TRAPPC9: variants seen among roughly 807,000 people sequenced by gnomAD.
TRAPPC9 encodes trafficking protein particle complex subunit 9, also known as IKK2 binding protein.
Under a neutral mutation model 124.0 loss-of-function variants are expected in TRAPPC9, and 83 were observed. The ratio of observed to expected loss-of-function variants is 0.67; its 90% confidence interval spans 0.56 to 0.80. TRAPPC9 has a LOEUF of 0.80. Among genes scored for constraint, TRAPPC9 ranks in the 30% least tolerant of loss-of-function variants. TRAPPC9 has a pLI of 0.00. For missense variants in TRAPPC9, 1,302 were observed against 1,508.3 expected (o/e 0.86, Z 2.27); for synonymous variants, 638 against 617.5 (o/e 1.03, Z -0.49).
intron 17 of TRAPPC9, among the ~76,000 whole-genome samples, chr8:140,091,838 A>T (rs893771003): frequency 1.3e-5 from 2 of 152,042 alleles, no homozygotes; most frequent in African/African-American, 4.8e-5. Context: ...TCTCCTCTCA[A>T]CTGTCGGTGA....
At chr8:140,217,883 G>A (rs1230290061) in intron 17 of TRAPPC9, among the ~76,000 whole-genome samples, 1 of 152,094 alleles carries the variant, frequency 6.6e-6, no homozygotes, top group Non-Finnish European at 1.5e-5. Flanking sequence ...TGGGCATGGT[G>A]GTGCACGCCT....
intron 21 of TRAPPC9, among the ~76,000 whole-genome samples, chr8:139,741,307 G>A (rs1818546929): frequency 1.3e-5 from 2 of 152,194 alleles, no homozygotes; most frequent in South Asian, 4.1e-4. Flanking sequence ...TCAGCGCTCT[G>A]TAGGTATCCC....
intron 19 of TRAPPC9, among the ~76,000 whole-genome samples, chr8:139,986,826 T>C (rs979517872): frequency 6.6e-6 from 1 of 152,214 alleles, no homozygotes; most frequent in African/African-American, 2.4e-5. Flanking sequence ...AACATGACCA[T>C]CACCTAGAAA....
At chr8:140,113,754 A>T (rs2060826109) in intron 17 of TRAPPC9, among the ~76,000 whole-genome samples, 1 of 152,120 alleles carries the variant, frequency 6.6e-6, no homozygotes, top group Non-Finnish European at 1.5e-5. Context: ...CCGCAAGCCC[A>T]TGTGAGTAGA....
chr8:139,953,046 C>T (rs1232664454), intron 19 of TRAPPC9, among the ~76,000 whole-genome samples: 1 of 152,192 alleles, frequency 6.6e-6, no homozygotes, highest in African/African-American at 2.4e-5. Context: ...AAGAGGATGG[C>T]TGTTTCCAGT....
At chr8:140,170,847 T>TA (rs1463246326) in intron 17 of TRAPPC9, among the ~76,000 whole-genome samples, 2 of 152,176 alleles carry the variant, frequency 1.3e-5, no homozygotes, top group Non-Finnish European at 2.9e-5. Flanking sequence ...GCCTCACAGG[T>TA]AGATCTCAGA....
rs2060473854 is a variant in TRAPPC9, at chr8:140,097,474, G to T, written c.2557-73395C>A. 6.6e-6 allele frequency: 1 copy of T among 152,300 alleles called. No individual in the cohort carries two copies. Among genetic ancestry groups the T allele is most frequent in the Non-Finnish European group, 1.5e-5 (1 of 68,096 alleles). 9.4% of individuals were successfully genotyped at this position (152,300 alleles called of 1,614,324 possible). On this transcript the variant is annotated intron_variant, in intron 17 of 22. Transcript: ENST00000438773. The surrounding 1 kb of genome is among the most constrained non-coding windows in gnomAD (Gnocchi z 4.2). Reference sequence around the variant, plus strand: ...CCTGGCTGCGCAGCCTGTGTTGCCAGTCGCAGGGTAATACACTCGCCTGCA... The same window carrying T: ...CCTGGCTGCGCAGCCTGTGTTGCCATTCGCAGGGTAATACACTCGCCTGCA...
At chr8:140,235,875 G>A (rs2063717898) in intron 16 of TRAPPC9, among the ~76,000 whole-genome samples, 1 of 152,114 alleles carries the variant, frequency 6.6e-6, no homozygotes, top group Non-Finnish European at 1.5e-5. Context: ...ATAAACTGTA[G>A]TATTTTCACG....
intron 19 of TRAPPC9, among the ~76,000 whole-genome samples, chr8:139,977,056 CAT>C (rs1836523318): frequency 6.6e-6 from 1 of 152,180 alleles, no homozygotes; most frequent in Non-Finnish European, 1.5e-5. Context: ...GGCCTGAAAA[CAT>C]ACAGCAAATG....
chr8:139,785,447 C>A (rs1057325342), intron 21 of TRAPPC9, among the ~76,000 whole-genome samples: 14 of 152,134 alleles, frequency 9.2e-5, no homozygotes, highest in African/African-American at 3.4e-4. Flanking sequence ...CCTGTAATCC[C>A]AGCACTTTGG....
intron 9 of TRAPPC9, among the ~76,000 whole-genome samples, chr8:140,356,754 C>T (rs891246443): frequency 6.6e-6 from 1 of 151,916 alleles, no homozygotes; most frequent in Non-Finnish European, 1.5e-5. Context: ...GGATTACAGG[C>T]GTGCACCACC....
chr8:139,869,765 C>G (rs1828776578), intron 21 of TRAPPC9, among the ~76,000 whole-genome samples: 1 of 151,782 alleles, frequency 6.6e-6, no homozygotes, highest in African/African-American at 2.4e-5. Context: ...AAGAAGAAAA[C>G]AAAACAAAGT....
intron 16 of TRAPPC9, among the ~76,000 whole-genome samples, chr8:140,251,937 G>T (rs2064139819): frequency 6.6e-6 from 1 of 152,174 alleles, no homozygotes; most frequent in African/African-American, 2.4e-5. Context: ...TCTGTCTGTG[G>T]TATTTTGTTA....
intron 6 of TRAPPC9, 71 bp downstream of exon 6, chr8:140,405,506 A>C: frequency 6.5e-7 from 1 of 1,536,824 alleles, no homozygotes. Flanking sequence ...GCAGCATTAC[A>C]CAATGTAAAA....
intron 21 of TRAPPC9, among the ~76,000 whole-genome samples, chr8:139,852,130 T>C (rs556098159): frequency 3.0e-4 from 46 of 152,330 alleles, no homozygotes; most frequent in Non-Finnish European, 5.6e-4. Context: ...CTTTCCTACA[T>C]AAGCTCTTTC....
chr8:140,272,538 A>G (rs1186281238), intron 15 of TRAPPC9, among the ~76,000 whole-genome samples: 1 of 150,878 alleles, frequency 6.6e-6, no homozygotes, highest in African/African-American at 2.5e-5. Context: ...GTAGCAGTGT[A>G]TTAATTCACT....
At chr8:140,349,353 C>CAAGGA (rs1554672527) in intron 9 of TRAPPC9, among the ~76,000 whole-genome samples, 4,027 of 88,710 alleles carry the variant, frequency 0.045, 148 homozygotes, top group Non-Finnish European at 0.053. Context: ...AGGGGGCGCG[C>CAAGGA]GAGGGAAGGG....
chr8:140,235,762 G>C (rs2063715365), intron 16 of TRAPPC9, among the ~76,000 whole-genome samples: 1 of 152,156 alleles, frequency 6.6e-6, no homozygotes, highest in South Asian at 2.1e-4. Context: ...ACATAAACCT[G>C]AGCTTATGTC....
chr8:139,910,225 G>T lies in TRAPPC9; in HGVS notation c.2886C>A (p.Asn962Lys), dbSNP rs745378015. The T allele has an allele frequency of 3.7e-6, 6 of 1,614,134 alleles. No homozygotes were observed. Among genetic ancestry groups the T allele is most frequent in the Non-Finnish European group, 5.1e-6 (6 of 1,180,030 alleles). ...GCCGCTCTTCCTCCAGCTGCTTGGG[G>T]TTTGCAAATTGCCCCTTCTCCCCAG... is the stretch of plus-strand genomic sequence containing the variant. ...ESPGEKGQFA[N>K]PKQLEEERRE... Residue 962 changes from asparagine to lysine, a missense_variant, in exon 20 of 23, where the codon AAC (asparagine) becomes AAA (lysine). Coordinates refer to ENST00000438773, the MANE Select transcript of TRAPPC9 (RefSeq NM_001160372.4).
Sources: allele counts gnomAD v4.1 joint callset (sites outside exome capture counted in the v4.1 genomes callset), GRCh38; gene constraint gnomAD v4.1.1; non-coding constraint Gnocchi (gnomAD v3.1); transcripts MANE v1.5; gene names NCBI Gene and HGNC (gene_info 2026-07-23, HGNC 2026-07-21).